Variants in TXLNG observed in about 807,000 individuals in gnomAD.
TXLNG encodes the protein gamma-taxilin.
Under a neutral mutation model 38.8 loss-of-function variants are expected in TXLNG, and 5 were observed. The observed-to-expected ratio is 0.13, with a 90% CI of 0.07 to 0.27. TXLNG has a LOEUF of 0.27. Among genes scored for constraint, TXLNG ranks in the 10% least tolerant of loss-of-function variants. TXLNG has a pLI of 1.00. For missense variants in TXLNG, 393 were observed against 398.2 expected, an observed-to-expected ratio of 0.99 and a Z score of 0.11; for synonymous variants, 182 against 158.2, an observed-to-expected ratio of 1.15 and a Z score of -1.13.
chrX:16,819,575 A>G (rs1338788668), intron 2 of TXLNG, among the ~76,000 whole-genome samples: 2 of 112,017 alleles, frequency 1.8e-5, no homozygotes, highest in African/African-American at 6.5e-5. Flanking sequence ...TCTCTCTGCC[A>G]AAGTCCTTAC....
In TXLNG at chrX:16,842,152, C is replaced by T. The variant is rs1242202836; in HGVS notation, c.*386C>T. 2 of 71,699 alleles carry T rather than the reference C, an allele frequency of 2.8e-5. No homozygotes were observed. The highest frequency in any genetic ancestry group is 4.5e-5 in the Non-Finnish European group (2 of 44,412). 5.9% of individuals were successfully genotyped at this position (71,699 alleles called of 1,213,427 possible). ...ACAATATTAATTTAAACGTCTTAGC[C>T]CCCCCCCCCATAATATTATTCAGAA... On this transcript the variant is annotated 3_prime_UTR_variant, in exon 10 of 10. Coordinates refer to ENST00000380122, the MANE Select transcript of TXLNG (RefSeq NM_018360.3).
chrX:16,817,817 T>C (rs1418905606), intron 1 of TXLNG, among the ~76,000 whole-genome samples: 1 of 112,357 alleles, frequency 8.9e-6, no homozygotes, highest in Non-Finnish European at 1.9e-5. Flanking sequence ...TGGCTTAGCA[T>C]GAGAGAAGTT....
intron 1 of TXLNG, among the ~76,000 whole-genome samples, chrX:16,810,666 GATAAA>G (rs1376061557): frequency 1.8e-5 from 2 of 112,405 alleles, no homozygotes; most frequent in African/African-American, 6.5e-5. Context: ...TGCTTCTAAT[GATAAA>G]ATAAAAATAG....
intron 5 of TXLNG, among the ~76,000 whole-genome samples, chrX:16,832,233 A>G (rs1338586341): frequency 8.9e-6 from 1 of 112,355 alleles, no homozygotes; most frequent in Non-Finnish European, 1.9e-5. Flanking sequence ...TGGGGAGGGA[A>G]AAAAGGAACT....
At chrX:16,789,718 T>A (rs1336712092) in intron 1 of TXLNG, among the ~76,000 whole-genome samples, 1 of 108,297 alleles carries the variant, frequency 9.2e-6, no homozygotes, top group Non-Finnish European at 1.9e-5. Context: ...TTTTTGGGAA[T>A]GGTTTTTAGT....
intron 1 of TXLNG, among the ~76,000 whole-genome samples, chrX:16,807,627 C>A (rs867788017): frequency 9.0e-6 from 1 of 111,531 alleles, no homozygotes; most frequent in African/African-American, 3.3e-5. Flanking sequence ...TAAAGGTTCC[C>A]TTTACTTATT....
At chrX:16,816,006 T>C (rs1437180571) in intron 1 of TXLNG, among the ~76,000 whole-genome samples, 1 of 111,277 alleles carries the variant, frequency 9.0e-6, no homozygotes. Flanking sequence ...AATTATCACT[T>C]TGCATCTGTT....
At chrX:16,791,840 C>T (rs1231208493) in intron 1 of TXLNG, among the ~76,000 whole-genome samples, 6 of 112,310 alleles carry the variant, frequency 5.3e-5, no homozygotes, top group African/African-American at 1.9e-4. Flanking sequence ...CCTGCCTTGG[C>T]CTCCCAAAGT....
At chrX:16,831,666 G>GT (rs1929416469) in intron 5 of TXLNG, among the ~76,000 whole-genome samples, 1 of 112,036 alleles carries the variant, frequency 8.9e-6, no homozygotes, top group Non-Finnish European at 1.9e-5. Context: ...TAGTTTTGTT[G>GT]TTTGTTTTGA....
intron 1 of TXLNG, among the ~76,000 whole-genome samples, chrX:16,818,157 T>G (rs1377177768): frequency 9.0e-6 from 1 of 111,066 alleles, no homozygotes; most frequent in South Asian, 3.8e-4. Flanking sequence ...CCACAGGAAC[T>G]TGGGGGAGCA....
intron 1 of TXLNG, among the ~76,000 whole-genome samples, chrX:16,810,539 A>G (rs1928474661): frequency 1.8e-5 from 2 of 112,188 alleles, no homozygotes; most frequent in Non-Finnish European, 3.8e-5. Context: ...TGGGCTTATT[A>G]ATAAACAAAA....
At position 16,841,664 on chromosome X, in the gene TXLNG, A is replaced by G; in HGVS notation, c.1485A>G (p.Arg495=). 8.3e-7 allele frequency: 1 copy of G among 1,211,693 alleles called. No homozygotes were observed. The highest frequency in any genetic ancestry group is 1.1e-6 in the Non-Finnish European group (1 of 895,549). ...AGGAGCTGAACACTTCCTCGAAAAG[A>G]GCCCTGGGAGCGCACCTGGAGGCTG... is the stretch of plus-strand genomic sequence containing the variant. ...SHKELNTSSK[R]ALGAHLEAEP... Residue 495 remains arginine, a synonymous_variant, in exon 10 of 10, where the codon AGA becomes AGG. Coordinates refer to ENST00000380122, the MANE Select transcript of TXLNG (RefSeq NM_018360.3).
chrX:16,804,445 C>T (rs893088671), intron 1 of TXLNG, among the ~76,000 whole-genome samples: 10 of 110,948 alleles, frequency 9.0e-5, no homozygotes, highest in African/African-American at 1.3e-4. Flanking sequence ...TGAGTTCAGA[C>T]GTTGATAGAG....
At chrX:16,815,736 C>T (rs1569266891) in intron 1 of TXLNG, among the ~76,000 whole-genome samples, 1 of 108,091 alleles carries the variant, frequency 9.3e-6, no homozygotes, top group Non-Finnish European at 1.9e-5. Flanking sequence ...TGGTCAGGCT[C>T]GTCTTGAACT....
In TXLNG at chrX:16,786,492, C is replaced by T. The variant is rs1181008958; in HGVS notation, c.5C>T (p.Ala2Val). M[A>V]TRVEEAARGR... ...TTTGGCTGCTGCCGTCACCTCATGG[C>T]GACGCGGGTAGAGGAGGCAGCGCGG... is the stretch of plus-strand genomic sequence containing the variant. The change falls in exon 1 of 10, where the codon GCG becomes GTG. Residue 2 changes from alanine (A) to valine (V), a missense_variant. Transcript: ENST00000380122. The T allele has an allele frequency of 5.4e-6, 6 of 1,115,467 alleles. No homozygotes were observed. In the East Asian group the frequency reaches 1.9e-4, roughly 36 times the overall value. 91.9% of individuals were successfully genotyped at this position (1,115,467 alleles called of 1,213,427 possible). A position where few individuals can be genotyped will look rare whatever the true frequency, so the allele number is the denominator to read the frequency against.
intron 1 of TXLNG, among the ~76,000 whole-genome samples, chrX:16,802,164 T>C (rs76778709): frequency 4.7e-5 from 5 of 105,821 alleles, no homozygotes; most frequent in Non-Finnish European, 9.7e-5. Flanking sequence ...ACTCTGTTGG[T>C]CAGACTGGTC....
chrX:16,808,951 A>G (rs1928416676), intron 1 of TXLNG, among the ~76,000 whole-genome samples: 1 of 111,910 alleles, frequency 8.9e-6, no homozygotes, highest in Non-Finnish European at 1.9e-5. Flanking sequence ...TTCTCCCTCC[A>G]ACATCTTATG....
chrX:16,805,821 TAGAGA>T (rs1928314387), intron 1 of TXLNG, among the ~76,000 whole-genome samples: 1 of 112,652 alleles, frequency 8.9e-6, no homozygotes, highest in East Asian at 2.8e-4. Flanking sequence ...AGGCATATTG[TAGAGA>T]CATGTATACC....
chrX:16,827,561 C>G (rs1297224577), intron 3 of TXLNG, among the ~76,000 whole-genome samples: 2 of 111,595 alleles, frequency 1.8e-5, no homozygotes, highest in African/African-American at 3.3e-5. Context: ...TTGAGGAGCC[C>G]ATGTTGCTTG....
Sources: allele counts gnomAD v4.1 joint callset (sites outside exome capture counted in the v4.1 genomes callset), GRCh38; gene constraint gnomAD v4.1.1; transcripts MANE v1.5; gene names NCBI Gene and HGNC (gene_info 2026-07-23, HGNC 2026-07-21).